DUSP15: variants seen among roughly 807,000 people sequenced by gnomAD.
DUSP15 encodes the protein dual specificity protein phosphatase 15.
Under a neutral mutation model 26.3 loss-of-function variants are expected in DUSP15, and 23 were observed. The ratio of observed to expected loss-of-function variants is 0.87; its 90% confidence interval spans 0.63 to 1.24. The LOEUF (loss-of-function observed/expected upper bound fraction) is 1.24. Ranked by LOEUF, DUSP15 falls within the 50% of genes most tolerant of loss-of-function variation. The pLI, the probability that DUSP15 is intolerant of heterozygous loss-of-function variation, is 0.00. For missense variants in DUSP15, 364 were observed against 320.6 expected, an observed-to-expected ratio of 1.14 and a Z score of -1.03; for synonymous variants, 143 against 135.5, an observed-to-expected ratio of 1.06 and a Z score of -0.39.
exon 10 of DUSP15, chr20:31,848,194 T>C: frequency 1.9e-6 from 1 of 516,200 alleles, no homozygotes; most frequent in Non-Finnish European, 3.3e-6. Context: ...CAAGATCAAG[T>C]TCAGTTTCCT....
chr20:31,851,681 G>A (rs756387362), intron 6 of DUSP15, among the ~76,000 whole-genome samples: 4 of 152,098 alleles, frequency 2.6e-5, no homozygotes, highest in Non-Finnish European at 4.4e-5. Flanking sequence ...GTCATAGCCA[G>A]AGAGGGTGGG....
intron 6 of DUSP15, among the ~76,000 whole-genome samples, chr20:31,853,548 G>A (rs2062509863): frequency 6.6e-6 from 1 of 151,934 alleles, no homozygotes; most frequent in South Asian, 2.1e-4. Context: ...TTAGCCAGGT[G>A]TGGTAGTACA....
chr20:31,847,318 C>T (rs979046298), downstream of DUSP15, among the ~76,000 whole-genome samples: 12 of 152,072 alleles, frequency 7.9e-5, no homozygotes, highest in East Asian at 1.9e-4. Flanking sequence ...GCAGGGGTAG[C>T]GGAGAGTCGC....
downstream of DUSP15, chr20:31,845,606 C>T (rs1235727595): frequency 1.6e-5 from 25 of 1,573,830 alleles, no homozygotes; most frequent in Middle Eastern, 2.2e-4. Flanking sequence ...GGCTGGCGTC[C>T]GGAATAGCCT....
chr20:31,870,596 C>A, upstream of DUSP15: 1 of 1,393,284 alleles, frequency 7.2e-7, no homozygotes, highest in Non-Finnish European at 9.3e-7. This position sits in a 1 kb window ranked among gnomAD's most constrained non-coding sequence, Gnocchi z 6.6. Context: ...ATGTGGGGCC[C>A]CCGCCTCGGG....
intron 3 of DUSP15, among the ~76,000 whole-genome samples, chr20:31,865,820 C>T (rs2062753097): frequency 6.6e-6 from 1 of 152,180 alleles, no homozygotes; most frequent in Admixed American, 6.5e-5. Context: ...CTATCAAACC[C>T]TGCCTGGTAA....
Position 31,862,682 on chromosome 20 carries a change from C to A in DUSP15, c.324G>T (p.Gly108=), listed in dbSNP as rs147768931. The part of the protein sequence containing the change: ...IVTAYVMTVT[G]LGWRDVLEAI... ...CTTCAAGCACGTCCCGCCAGCCTAGCCCCGTCACAGTCATCACATACGCTG... is the reference window on the plus strand; with the variant it reads ...CTTCAAGCACGTCCCGCCAGCCTAGACCCGTCACAGTCATCACATACGCTG... The change falls in exon 6 of 7, where the codon GGG becomes GGT. Residue 108 remains glycine (G), a synonymous_variant. Transcript: ENST00000339738. 1.4e-5 allele frequency: 22 copies of A among 1,614,126 alleles called. No individual in the cohort carries two copies. In the African/African-American group the frequency reaches 2.5e-4, roughly 19 times the overall value.
chr20:31,870,363 C>A lies in DUSP15; in HGVS notation c.-26G>T. 2 of 1,278,808 alleles carry A rather than the reference C, an allele frequency of 1.6e-6. No homozygotes were observed. Among genetic ancestry groups the A allele is most frequent in the South Asian group, 3.4e-5 (1 of 29,246 alleles). 79.2% of individuals were successfully genotyped at this position (1,278,808 alleles called of 1,614,324 possible). A position where few individuals can be genotyped will look rare whatever the true frequency, so the allele number is the denominator to read the frequency against. On this transcript the variant is annotated 5_prime_UTR_variant, in exon 1 of 7. Coordinates refer to ENST00000339738, the MANE Select transcript of DUSP15 (RefSeq NM_080611.5). The surrounding 1 kb of genome is among the most constrained non-coding windows in gnomAD (Gnocchi z 6.6). ...GATCCCGGGGGCGGCGGTCCGGGTG[C>A]ACCCCCAGCTCGCCGCCCGGGAAGC... is the stretch of plus-strand genomic sequence containing the variant.
chr20:31,855,937 T>TA lies in DUSP15; in HGVS notation c.427-5262dup, dbSNP rs561836474. Among the ~76,000 whole-genome samples the TA allele has an allele frequency of 2.3e-3, 355 of 152,164 alleles. 2 individuals are homozygous for TA. The highest frequency in any genetic ancestry group is 8.1e-3 in the African/African-American group (336 of 41,494). ...GCATCGGGGGAGGCTCTCTCTTTTT[T>TA]AAAAAAAAATTTTTATTTCCATAGG... is the stretch of plus-strand genomic sequence containing the variant. On this transcript the variant is annotated intron_variant, in intron 6 of 9. Coordinates refer to the DUSP15 transcript ENST00000278979.
At chr20:31,862,486 A>G in intron 6 of DUSP15, 85 bp downstream of exon 6, 1 of 1,472,672 alleles carries the variant, frequency 6.8e-7, no homozygotes, top group Non-Finnish European at 9.1e-7. Context: ...GGCACAGGCT[A>G]AAAATGTTCC....
Position 31,867,156 on chromosome 20 carries a change from G to A in DUSP15, c.56-3C>T, listed in dbSNP as rs767042704. ...CAGCTGATCCAGGTCTTTGGCATCT[G>A]AAAGAAACAGGATGCTTGAGCCAAT... On this transcript the variant is annotated splice_region_variant and splice_polypyrimidine_tract_variant and intron_variant, in intron 2 of 6. Coordinates refer to ENST00000339738, the MANE Select transcript of DUSP15 (RefSeq NM_080611.5). 5 of 1,579,974 alleles carry A rather than the reference G, an allele frequency of 3.2e-6. No individual in the cohort carries two copies. Among genetic ancestry groups the A allele is most frequent in the Non-Finnish European group, 4.3e-6 (5 of 1,161,834 alleles).
At chr20:31,867,668 G>A (rs1256698527) in intron 2 of DUSP15, among the ~76,000 whole-genome samples, 7 of 95,814 alleles carry the variant, frequency 7.3e-5, no homozygotes, top group East Asian at 8.5e-4. Context: ...TTTTTGAGAC[G>A]GAGTCTTGCT....
Position 31,863,984 on chromosome 20 carries a change from AGAG to A in DUSP15, c.189-6_189-4del, listed in dbSNP as rs767428100. On this transcript the variant is annotated splice_polypyrimidine_tract_variant and splice_region_variant and intron_variant, in intron 4 of 6. Coordinates refer to ENST00000339738, the MANE Select transcript of DUSP15 (RefSeq NM_080611.5). ...TACATTCTTTGAAGTGCTTTTTGCT[AGAG>A]GAGAAAGCAATAGGGTAGGGAGCAC... 9.9e-6 allele frequency: 16 copies of A among 1,613,362 alleles called. No homozygotes were observed. In the South Asian group the frequency reaches 1.5e-4, roughly 16 times the overall value.
intron 6 of DUSP15, among the ~76,000 whole-genome samples, chr20:31,851,486 G>A (rs1298839917): frequency 6.6e-6 from 1 of 152,092 alleles, no homozygotes; most frequent in Non-Finnish European, 1.5e-5. Flanking sequence ...TGAATGTGGA[G>A]AAGATGGGGT....
Position 31,861,117 on chromosome 20 carries a change from C to T in DUSP15, c.*286G>A, listed in dbSNP as rs1026988772. 113 of 1,302,906 alleles carry T rather than the reference C, an allele frequency of 8.7e-5. No individual in the cohort carries two copies. The highest frequency in any genetic ancestry group is 1.1e-4 in the Non-Finnish European group (111 of 1,030,224). The allele number at this position is 1,302,906 out of a possible 1,614,324, so 80.7% of individuals were successfully genotyped here. A position where few individuals can be genotyped will look rare whatever the true frequency, so the allele number is the denominator to read the frequency against. On this transcript the variant is annotated 3_prime_UTR_variant, in exon 7 of 7. Coordinates refer to ENST00000339738, the MANE Select transcript of DUSP15 (RefSeq NM_080611.5). ...TTAATACCCTCCAGGCCCGTCAAACCCTCCACTCTCCCTCCCTCCCCTCCC... is the reference window on the plus strand; with the variant it reads ...TTAATACCCTCCAGGCCCGTCAAACTCTCCACTCTCCCTCCCTCCCCTCCC...
exon 10 of DUSP15, chr20:31,847,860 G>C (rs1453004464): frequency 6.6e-6 from 1 of 152,292 alleles, no homozygotes; most frequent in Non-Finnish European, 1.5e-5. Context: ...TACTTCAGTG[G>C]TTAGCATCCA....
intron 6 of DUSP15, among the ~76,000 whole-genome samples, chr20:31,853,283 G>GA (rs1479908992): frequency 6.6e-6 from 1 of 151,294 alleles, no homozygotes; most frequent in Non-Finnish European, 1.5e-5. Flanking sequence ...ATAAATAAAA[G>GA]AAAAAATAAA....
At chr20:31,855,689 T>C (rs1250696075) in intron 6 of DUSP15, among the ~76,000 whole-genome samples, 10 of 152,300 alleles carry the variant, frequency 6.6e-5, no homozygotes, top group Admixed American at 5.9e-4. Context: ...GGACAGGCCA[T>C]GCAACCACCC....
At position 31,861,634 on chromosome 20, in the gene DUSP15, G is replaced by A; in HGVS notation, c.477C>T (p.Phe159=). ...GCGCGCGCAACTCCTCCTCGTCGCGGAAGGGGCTCTCGCCGAAGCGCTCCT... is the reference window on the plus strand; with the variant it reads ...GCGCGCGCAACTCCTCCTCGTCGCGAAAGGGGCTCTCGCCGAAGCGCTCCT... The part of the protein sequence containing the change: ...QLEERFGESP[F]RDEEELRALL... The change falls in exon 7 of 7, where the codon TTC becomes TTT. Residue 159 remains phenylalanine, a synonymous_variant. Transcript: ENST00000339738. The A allele has an allele frequency of 6.7e-6, 9 of 1,352,034 alleles. No homozygotes were observed. Among genetic ancestry groups the A allele is most frequent in the Non-Finnish European group, 6.7e-6 (7 of 1,041,008 alleles). The allele number at this position is 1,352,034 out of a possible 1,614,324, so 83.8% of individuals were successfully genotyped here. A position where few individuals can be genotyped will look rare whatever the true frequency, so the allele number is the denominator to read the frequency against.
Sources: allele counts gnomAD v4.1 joint callset (sites outside exome capture counted in the v4.1 genomes callset), GRCh38; gene constraint gnomAD v4.1.1; non-coding constraint Gnocchi (gnomAD v3.1); transcripts MANE v1.5; gene names NCBI Gene and HGNC (gene_info 2026-07-23, HGNC 2026-07-21).